The following FKTN variants were observed in gnomAD, a reference collection of about 807,000 sequenced individuals.
FKTN encodes the protein ribitol-5-phosphate transferase FKTN.
A neutral mutation model predicts 58.6 loss-of-function variants in FKTN; 47 were observed. That is an observed-to-expected ratio of 0.80 (90% CI 0.63 to 1.02). The LOEUF (loss-of-function observed/expected upper bound fraction) is 1.02, where lower values mean the gene tolerates loss of function less well. Ranked by LOEUF, FKTN falls within the 50% of genes least tolerant of loss-of-function variation. The pLI, the probability that FKTN is intolerant of heterozygous loss-of-function variation, is 0.00. For missense variants in FKTN, 516 were observed against 537.3 expected (o/e 0.96, Z 0.39); for synonymous variants, 178 against 191.9 (o/e 0.93, Z 0.60).
At chr9:105,586,100 G>GTAAGT (rs1203710532) in intron 3 of FKTN, among the ~76,000 whole-genome samples, 1 of 152,096 alleles carries the variant, frequency 6.6e-6, no homozygotes, top group Non-Finnish European at 1.5e-5. Context: ...ACTTACTTTT[G>GTAAGT]ACCATTTTGA....
intron 10 of FKTN, among the ~76,000 whole-genome samples, chr9:105,631,129 T>TCAAA (rs954365018): frequency 2.0e-5 from 3 of 152,084 alleles, no homozygotes; most frequent in African/African-American, 7.2e-5. Context: ...CGAGACTGTC[T>TCAAA]CAAACAAACA....
intron 3 of FKTN, among the ~76,000 whole-genome samples, chr9:105,594,213 G>T (rs191513601): frequency 8.7e-4 from 133 of 152,262 alleles, no homozygotes; most frequent in Middle Eastern, 3.4e-3. Flanking sequence ...AGAAGGGAAG[G>T]TGTATTATAT....
intron 4 of FKTN, among the ~76,000 whole-genome samples, chr9:105,599,539 T>C (rs1827472085): frequency 6.7e-6 from 1 of 148,158 alleles, no homozygotes; most frequent in South Asian, 2.1e-4. Flanking sequence ...AGCCATGTGA[T>C]CTCGGCTCAC....
At chr9:105,580,185 A>T (rs1228967822) in intron 3 of FKTN, among the ~76,000 whole-genome samples, 1 of 152,150 alleles carries the variant, frequency 6.6e-6, no homozygotes, top group East Asian at 1.9e-4. Context: ...TAATATTGTT[A>T]TGTGTGAATT....
At chr9:105,619,201 T>C (rs1260300654) in intron 9 of FKTN, among the ~76,000 whole-genome samples, 1 of 152,186 alleles carries the variant, frequency 6.6e-6, no homozygotes, top group Non-Finnish European at 1.5e-5. Flanking sequence ...AGCAAACATT[T>C]ACCAAACATT....
intron 3 of FKTN, among the ~76,000 whole-genome samples, chr9:105,580,054 G>A (rs1393993347): frequency 1.3e-5 from 2 of 151,802 alleles, no homozygotes; most frequent in South Asian, 2.1e-4. Context: ...TTGAGCCTAT[G>A]TGTGTCTCTG....
In FKTN at chr9:105,638,279, G is replaced by C. The variant is rs1170837681; in HGVS notation, c.*3015G>C. 2 of 985,376 alleles carry C rather than the reference G, an allele frequency of 2.0e-6. No homozygotes were observed. Among genetic ancestry groups the C allele is most frequent in the Non-Finnish European group, 2.4e-6 (2 of 829,916 alleles). 61.0% of individuals were successfully genotyped at this position (985,376 alleles called of 1,614,324 possible). On this transcript the variant is annotated 3_prime_UTR_variant, in exon 11 of 11. Transcript: ENST00000357998. ...CTTCATTGAGGCTAAGTCTCAGGGT[G>C]TTTCTGCCGCTTAGTATCTTTTTGT...
chr9:105,581,581 A>G (rs1842921435), intron 3 of FKTN, among the ~76,000 whole-genome samples: 1 of 151,984 alleles, frequency 6.6e-6, no homozygotes, highest in Non-Finnish European at 1.5e-5. Context: ...GCTGTCAGAC[A>G]GGGACATTGA....
intron 7 of FKTN, among the ~76,000 whole-genome samples, chr9:105,612,364 T>C (rs1181382258): frequency 1.3e-5 from 2 of 152,174 alleles, no homozygotes; most frequent in Non-Finnish European, 2.9e-5. Flanking sequence ...TGATAGTTTC[T>C]TTTGCTGTGC....
chr9:105,627,092 C>T (rs1832838115), intron 10 of FKTN, among the ~76,000 whole-genome samples: 1 of 151,756 alleles, frequency 6.6e-6, no homozygotes, highest in African/African-American at 2.4e-5. Context: ...CATGCCTCAG[C>T]CTCCTAAGTA....
intron 10 of FKTN, among the ~76,000 whole-genome samples, chr9:105,631,322 C>A (rs949462209): frequency 6.6e-6 from 1 of 152,022 alleles, no homozygotes; most frequent in African/African-American, 2.4e-5. Flanking sequence ...ACTGGAATAA[C>A]ATGAGAAGAA....
rs1834056600 is a variant in FKTN at position 105,636,611 on chromosome 9, G to A, written c.*1347G>A. ...TCTTATATCACTTGAATGATATATT[G>A]TAAGTGAGAGGTAAAGGAAAATGTA... is the stretch of plus-strand genomic sequence containing the variant. On this transcript the variant is annotated 3_prime_UTR_variant, in exon 11 of 11. Transcript: ENST00000357998. 5.1e-6 allele frequency: 6 copies of A among 1,177,586 alleles called. No individual in the cohort carries two copies. The highest frequency in any genetic ancestry group is 6.6e-6 in the Non-Finnish European group (6 of 914,934). The allele number at this position is 1,177,586 out of a possible 1,614,324, so 72.9% of individuals were successfully genotyped here.
chr9:105,623,341 T>C (rs1263461600), intron 10 of FKTN: 1 of 152,204 alleles, frequency 6.6e-6, no homozygotes, highest in Admixed American at 6.5e-5. Flanking sequence ...TTTATCATCA[T>C]CACCTTTATT....
intron 6 of FKTN, among the ~76,000 whole-genome samples, chr9:105,605,045 A>AG (rs1303375831): frequency 6.6e-6 from 1 of 152,112 alleles, no homozygotes; most frequent in Non-Finnish European, 1.5e-5. Flanking sequence ...AAAATAAACT[A>AG]GGGGTCTGTG....
intron 3 of FKTN, among the ~76,000 whole-genome samples, chr9:105,580,102 G>A (rs1438510471): frequency 6.6e-6 from 1 of 151,818 alleles, no homozygotes. Context: ...CATACTGGTG[G>A]GTCTTGACTC....
chr9:105,609,509 C>T (rs2768295), intron 7 of FKTN, among the ~76,000 whole-genome samples: 18,822 of 152,024 alleles, frequency 0.12, 1,501 homozygotes, highest in Admixed American at 0.23. Flanking sequence ...GTCAGTTGTC[C>T]CAATAATAAC....
chr9:105,626,178 T>A (rs914040158), intron 10 of FKTN, among the ~76,000 whole-genome samples: 1 of 152,180 alleles, frequency 6.6e-6, no homozygotes, highest in Non-Finnish European at 1.5e-5. Context: ...CTATTATAGG[T>A]GATGCTGTAG....
chr9:105,613,566 C>T (rs1042245247), intron 7 of FKTN, among the ~76,000 whole-genome samples: 5 of 152,150 alleles, frequency 3.3e-5, no homozygotes, highest in Non-Finnish European at 5.9e-5. Context: ...TTTGCCCATT[C>T]ATCAGTATGT....
rs1057516258 is a variant in FKTN at position 105,604,271 on chromosome 9, TA to T, written c.429del (p.Asp144IlefsTer4). The part of the protein sequence containing the change: ...MGFQCLKIES[K>X]DPRLDGIDSL... ...GATTTCAGTGCCTAAAGATTGAGAG[TA>T]AAGATCCCCGGCTAGACGGGATAGA... is the stretch of plus-strand genomic sequence containing the variant. On this transcript the variant is annotated frameshift_variant, in exon 6 of 11. Transcript: ENST00000357998. LOFTEE classifies it high-confidence loss of function. 6.2e-7 allele frequency: 1 copy of T among 1,613,154 alleles called. No individual in the cohort carries two copies. The highest frequency in any genetic ancestry group is 8.5e-7 in the Non-Finnish European group (1 of 1,179,966).
Sources: allele counts gnomAD v4.1 joint callset (sites outside exome capture counted in the v4.1 genomes callset), GRCh38; gene constraint gnomAD v4.1.1; transcripts MANE v1.5; gene names NCBI Gene and HGNC (gene_info 2026-07-23, HGNC 2026-07-21).